Variants in ARHGAP20 observed in about 807,000 individuals in gnomAD.
ARHGAP20 encodes rho GTPase-activating protein 20.
Under a neutral mutation model 73.7 loss-of-function variants are expected in ARHGAP20, and 34 were observed. The ratio of observed to expected loss-of-function variants is 0.46; its 90% confidence interval spans 0.35 to 0.61. The LOEUF (loss-of-function observed/expected upper bound fraction) is 0.61. ARHGAP20 is among the 20% of genes least tolerant of loss of function. The probability of loss-of-function intolerance (pLI) is 0.00; values close to 1 mark genes in which losing one functional copy is unlikely to be tolerated. For missense variants in ARHGAP20, 1,314 were observed against 1,420.9 expected, an observed-to-expected ratio of 0.92 and a Z score of 1.21; for synonymous variants, 523 against 518.2, an observed-to-expected ratio of 1.01 and a Z score of -0.13.
intron 10 of ARHGAP20, among the ~76,000 whole-genome samples, chr11:110,591,461 C>T (rs1947827277): frequency 6.6e-6 from 1 of 152,164 alleles, no homozygotes; most frequent in African/African-American, 2.4e-5. Context: ...ACTAGAGACT[C>T]AATACTGCTT....
At chr11:110,647,085 T>A (rs1307215912) in intron 2 of ARHGAP20, among the ~76,000 whole-genome samples, 1 of 151,426 alleles carries the variant, frequency 6.6e-6, no homozygotes, top group East Asian at 1.9e-4. Context: ...GCTGTGGGGG[T>A]TTTAGTAAGA....
rs776392265 is a variant in ARHGAP20, at chr11:110,579,936, G to A, written c.3010C>T (p.Pro1004Ser). ...CGGCTGCAAGCCTGCCCTGATGAGG[G>A]ACCGGGCATTCCGGAAACATGGCTG... ...NASHVSGMPGPSSGQACSRPA... is the reference protein window; with the variant it reads ...NASHVSGMPGSSSGQACSRPA... Residue 1004 changes from proline (P) to serine (S), a missense_variant, in exon 15 of 15, where the codon CCC becomes TCC. Transcript: ENST00000683387. 1.9e-6 allele frequency: 3 copies of A among 1,614,214 alleles called. No individual in the cohort carries two copies. The highest frequency in any genetic ancestry group is 2.5e-6 in the Non-Finnish European group (3 of 1,180,026).
At position 110,591,985 on chromosome 11, in the gene ARHGAP20, G is replaced by A. The variant is rs370420737; in HGVS notation, c.1135C>T (p.Pro379Ser). 10 of 1,613,918 alleles carry A rather than the reference G, an allele frequency of 6.2e-6. No homozygotes were observed. The African/African-American group carries it at 8.0e-5, about 13-fold the overall frequency. ...NICENDNLPK[P>S]VLDMLFFLNQ... ...ACCAAAATGAGCCTTACCAAGACAG[G>A]TTTGGGCAGATTGTCATTCTCACAA... Residue 379 changes from proline to serine, a missense_variant, in exon 10 of 15, where the codon CCT (proline) becomes TCT (serine). Coordinates refer to ENST00000683387, the MANE Select transcript of ARHGAP20 (RefSeq NM_001384657.1).
chr11:110,688,080 A>G (rs1950170786), intron 2 of ARHGAP20, among the ~76,000 whole-genome samples: 1 of 151,756 alleles, frequency 6.6e-6, no homozygotes, highest in Admixed American at 6.5e-5. Flanking sequence ...TTATATAAAG[A>G]TATTTTCCCC....
intron 3 of ARHGAP20, among the ~76,000 whole-genome samples, chr11:110,625,228 G>A (rs373425143): frequency 1.6e-4 from 24 of 150,704 alleles, no homozygotes; most frequent in East Asian, 1.2e-3. Context: ...TAGTAGAGAC[G>A]GGGTTTCACC....
chr11:110,641,531 GA>G (rs1255822252), intron 2 of ARHGAP20, among the ~76,000 whole-genome samples: 1 of 151,944 alleles, frequency 6.6e-6, no homozygotes, highest in Non-Finnish European at 1.5e-5. Flanking sequence ...AACTAATCAG[GA>G]AAAATGAGAG....
intron 1 of ARHGAP20, among the ~76,000 whole-genome samples, chr11:110,704,028 C>T (rs185544646): frequency 3.3e-5 from 5 of 152,278 alleles, no homozygotes; most frequent in Admixed American, 1.3e-4. Flanking sequence ...CTTTGCCTTA[C>T]GGTAGCCCCT....
intron 4 of ARHGAP20, among the ~76,000 whole-genome samples, chr11:110,622,003 A>C (rs538994985): frequency 1.3e-5 from 2 of 152,308 alleles, no homozygotes; most frequent in South Asian, 2.1e-4. Context: ...TGTCTCATGC[A>C]TGTGGGGTTT....
In ARHGAP20 at chr11:110,644,537, T is replaced by TA. The variant is rs947933073; in HGVS notation, c.189-13746dup. On this transcript the variant is annotated intron_variant, in intron 2 of 14. Coordinates refer to ENST00000683387, the MANE Select transcript of ARHGAP20 (RefSeq NM_001384657.1). ...ACCATCTGATCTTTGACACAGGCAA[T>TA]AAAAAAACAGGGGAAAGACTCCCTA... is the stretch of plus-strand genomic sequence containing the variant. Among the ~76,000 whole-genome samples, 8 of 151,712 alleles carry TA rather than the reference T, an allele frequency of 5.3e-5. No individual in the cohort carries two copies. In the East Asian group the frequency reaches 7.8e-4, roughly 15 times the overall value.
intron 1 of ARHGAP20, among the ~76,000 whole-genome samples, chr11:110,704,243 T>C (rs995680014): frequency 9.2e-5 from 14 of 152,130 alleles, no homozygotes; most frequent in African/African-American, 3.4e-4. Context: ...AAAAACATTC[T>C]CCTAGGTGTA....
In ARHGAP20 at chr11:110,693,175, G is replaced by A. The variant is rs146655585; in HGVS notation, c.106-2546C>T. 5.2e-3 allele frequency among the ~76,000 whole-genome samples: 784 copies of A among 152,082 alleles called. 19 individuals carry two copies. The highest frequency in any genetic ancestry group is 0.045 in the Admixed American group (680 of 15,248). ...TATTTTCTGAGTTTTAAAATTGTCA[G>A]ATGTATAATGGGTCAAATGCTGAGT... On this transcript the variant is annotated intron_variant, in intron 1 of 14. Transcript: ENST00000683387.
chr11:110,678,732 G>T (rs1949981660), intron 2 of ARHGAP20, among the ~76,000 whole-genome samples: 1 of 152,092 alleles, frequency 6.6e-6, no homozygotes, highest in Non-Finnish European at 1.5e-5. Flanking sequence ...CACAATCACG[G>T]CTCACTGCGC....
At chr11:110,672,687 C>A (rs778683918) in intron 2 of ARHGAP20, among the ~76,000 whole-genome samples, 1 of 152,080 alleles carries the variant, frequency 6.6e-6, no homozygotes, top group African/African-American at 2.4e-5. Flanking sequence ...AGGTGTCAAG[C>A]CAAAATGTTG....
At chr11:110,651,969 C>T (rs1472853201) in intron 2 of ARHGAP20, among the ~76,000 whole-genome samples, 1 of 152,084 alleles carries the variant, frequency 6.6e-6, no homozygotes, top group Admixed American at 6.6e-5. Flanking sequence ...ACCTGATGAA[C>T]ATCGATGCAA....
chr11:110,694,566 T>C (rs1165190617), intron 1 of ARHGAP20, among the ~76,000 whole-genome samples: 1 of 151,766 alleles, frequency 6.6e-6, no homozygotes, highest in Non-Finnish European at 1.5e-5. Flanking sequence ...TACCAACTAA[T>C]CTGCAAGGTG....
At chr11:110,606,045 G>A (rs1948220543) in intron 9 of ARHGAP20, among the ~76,000 whole-genome samples, 1 of 152,136 alleles carries the variant, frequency 6.6e-6, no homozygotes, top group Non-Finnish European at 1.5e-5. Flanking sequence ...CTTTATTGTG[G>A]GGTGGGTAAG....
intron 2 of ARHGAP20, among the ~76,000 whole-genome samples, chr11:110,632,527 C>T (rs775863459): frequency 2.0e-5 from 3 of 152,112 alleles, no homozygotes; most frequent in Non-Finnish European, 2.9e-5. Flanking sequence ...GCCTCAGCCT[C>T]CTGAGTAGCT....
chr11:110,632,008 T>A (rs889691814), intron 2 of ARHGAP20, among the ~76,000 whole-genome samples: 3 of 152,242 alleles, frequency 2.0e-5, no homozygotes, highest in Non-Finnish European at 2.9e-5. Flanking sequence ...TCATTCATGT[T>A]ATTACATTTA....
chr11:110,680,325 T>C (rs77091151), intron 2 of ARHGAP20, among the ~76,000 whole-genome samples: 3 of 152,222 alleles, frequency 2.0e-5, no homozygotes, highest in South Asian at 4.1e-4. Context: ...CACAATAATA[T>C]GAAGCTTCTC....
Sources: allele counts gnomAD v4.1 joint callset (sites outside exome capture counted in the v4.1 genomes callset), GRCh38; gene constraint gnomAD v4.1.1; transcripts MANE v1.5; gene names NCBI Gene and HGNC (gene_info 2026-07-23, HGNC 2026-07-21).